FILIP1L: variants seen among roughly 807,000 people sequenced by gnomAD.
FILIP1L encodes filamin A interacting protein 1 like, also known as filamin A-interacting protein 1-like.
FILIP1L carries 55 observed loss-of-function variants against 96.6 expected under a neutral mutation model. The ratio of observed to expected loss-of-function variants is 0.57; its 90% CI spans 0.46 to 0.71. FILIP1L has a LOEUF of 0.71. Ranked by LOEUF, FILIP1L falls within the 30% of genes least tolerant of loss-of-function variation. The pLI, the probability that FILIP1L is intolerant of heterozygous loss-of-function variation, is 0.00. For missense variants in FILIP1L, 1,304 were observed against 1,321.2 expected, an observed-to-expected ratio of 0.99 and a Z score of 0.20; for synonymous variants, 467 against 473.9, an observed-to-expected ratio of 0.99 and a Z score of 0.19.
intron 1 of FILIP1L, among the ~76,000 whole-genome samples, chr3:99,941,736 A>G (rs116583534): frequency 0.011 from 1,712 of 152,356 alleles, 18 homozygotes; most frequent in African/African-American, 0.025. Flanking sequence ...GGAGTATTTA[A>G]TAATGTAGGA....
chr3:99,890,689 A>G (rs1310590719), intron 4 of FILIP1L, among the ~76,000 whole-genome samples: 2 of 149,366 alleles, frequency 1.3e-5, no homozygotes, highest in Non-Finnish European at 1.5e-5. Flanking sequence ...ACCATTTTCT[A>G]TAGTCTTTTA....
At chr3:99,885,151 T>C (rs1172386783) in intron 4 of FILIP1L, among the ~76,000 whole-genome samples, 1 of 152,230 alleles carries the variant, frequency 6.6e-6, no homozygotes, top group African/African-American at 2.4e-5. Flanking sequence ...TCAATTCTAA[T>C]GGAAACTGTT....
intron 4 of FILIP1L, 91 bp from the exon 5 acceptor site, chr3:99,851,161 T>A: frequency 9.6e-7 from 1 of 1,041,568 alleles, no homozygotes; most frequent in Non-Finnish European, 1.4e-6. Context: ...AGAAATTATG[T>A]AATTATATGA....
intron 1 of FILIP1L, among the ~76,000 whole-genome samples, chr3:100,034,248 G>T (rs576714156): frequency 4.0e-4 from 61 of 152,258 alleles, no homozygotes; most frequent in African/African-American, 1.2e-3. Context: ...CTCAGAATGG[G>T]GGGAAAAAGC....
chr3:99,971,166 T>C (rs931819098), intron 1 of FILIP1L, among the ~76,000 whole-genome samples: 5 of 151,970 alleles, frequency 3.3e-5, no homozygotes, highest in Non-Finnish European at 7.4e-5. Context: ...TGAAACCCCG[T>C]CTCTACTAAA....
At chr3:99,973,681 T>G (rs1042908964) in intron 1 of FILIP1L, among the ~76,000 whole-genome samples, 1 of 152,202 alleles carries the variant, frequency 6.6e-6, no homozygotes, top group African/African-American at 2.4e-5. Context: ...ATAAACACAC[T>G]TCAAACTTGA....
intron 5 of FILIP1L, chr3:99,833,269 G>T: frequency 6.2e-7 from 1 of 1,608,758 alleles, no homozygotes; most frequent in Non-Finnish European, 8.5e-7. Context: ...CACCTAGGGA[G>T]CAGTAGAAAG....
chr3:100,077,831 C>T (rs2065873620), intron 1 of FILIP1L, among the ~76,000 whole-genome samples: 1 of 151,892 alleles, frequency 6.6e-6, no homozygotes, highest in South Asian at 2.1e-4. Flanking sequence ...TCACTTGAGC[C>T]CAGGAGGTAG....
intron 3 of FILIP1L, 54 bp downstream of exon 3, chr3:99,929,802 G>T: frequency 3.7e-6 from 5 of 1,345,636 alleles, no homozygotes; most frequent in Non-Finnish European, 5.1e-6. Context: ...ATGCTCATCT[G>T]CAGGGCTAGT....
intron 4 of FILIP1L, among the ~76,000 whole-genome samples, chr3:99,880,899 T>C (rs1292045164): frequency 2.6e-5 from 4 of 152,070 alleles, no homozygotes; most frequent in Non-Finnish European, 5.9e-5. Flanking sequence ...TGTGTATGTA[T>C]ATTATGTTTC....
intron 1 of FILIP1L, among the ~76,000 whole-genome samples, chr3:99,953,018 T>A (rs1708222517): frequency 6.6e-6 from 1 of 152,204 alleles, no homozygotes; most frequent in Non-Finnish European, 1.5e-5. Context: ...GATTTTCTCA[T>A]GACTGTTCCT....
At chr3:100,010,505 A>G (rs750242292) in intron 1 of FILIP1L, among the ~76,000 whole-genome samples, 4 of 152,112 alleles carry the variant, frequency 2.6e-5, no homozygotes, top group Admixed American at 6.6e-5. Context: ...AGAGAATCCA[A>G]CTAAGAGCAG....
chr3:99,950,782 G>A (rs911341142), intron 1 of FILIP1L, among the ~76,000 whole-genome samples: 1 of 152,144 alleles, frequency 6.6e-6, no homozygotes, highest in Non-Finnish European at 1.5e-5. Flanking sequence ...ATTGAATATG[G>A]TGCTGGAGAC....
intron 1 of FILIP1L, among the ~76,000 whole-genome samples, chr3:99,938,314 T>C (rs1707754893): frequency 1.3e-5 from 2 of 152,204 alleles, no homozygotes; most frequent in Non-Finnish European, 2.9e-5. Flanking sequence ...CATCATTAGT[T>C]CTGTTTTTAA....
At chr3:100,011,538 A>G (rs1025635734) in intron 1 of FILIP1L, among the ~76,000 whole-genome samples, 1 of 152,142 alleles carries the variant, frequency 6.6e-6, no homozygotes, top group African/African-American at 2.4e-5. Flanking sequence ...ATACCTGACA[A>G]TTTATATCTA....
chr3:100,096,569 G>A (rs2066212699), intron 1 of FILIP1L, among the ~76,000 whole-genome samples: 1 of 151,858 alleles, frequency 6.6e-6, no homozygotes, highest in Admixed American at 6.6e-5. Context: ...CAAAATAATT[G>A]AACACATGTT....
At chr3:99,967,927 G>A (rs1039466687) in intron 1 of FILIP1L, among the ~76,000 whole-genome samples, 3 of 152,146 alleles carry the variant, frequency 2.0e-5, no homozygotes, top group Non-Finnish European at 4.4e-5. Context: ...TAAGTGCAAC[G>A]GTATGTGGGA....
At chr3:100,020,301 A>G (rs1471896704) in intron 1 of FILIP1L, among the ~76,000 whole-genome samples, 1 of 152,196 alleles carries the variant, frequency 6.6e-6, no homozygotes, top group Non-Finnish European at 1.5e-5. Context: ...GTATTCTCGC[A>G]TTTAGGACTT....
At position 99,986,656 on chromosome 3, in the gene FILIP1L, G is replaced by A. The variant is rs1173822999; in HGVS notation, c.-10-55626C>T. On this transcript the variant is annotated intron_variant, in intron 1 of 5. Transcript: ENST00000477258. ...GAAATTGATGAAGATTAAATGAAGT[G>A]GTGATGGGTGTGGGCCTAAGAACTC... Among the ~76,000 whole-genome samples the A allele has an allele frequency of 2.6e-5, 4 of 152,156 alleles. No homozygotes were observed. In the East Asian group the frequency reaches 7.7e-4, roughly 29 times the overall value.
Sources: allele counts gnomAD v4.1 joint callset (sites outside exome capture counted in the v4.1 genomes callset), GRCh38; gene constraint gnomAD v4.1.1; transcripts MANE v1.5; gene names NCBI Gene and HGNC (gene_info 2026-07-23, HGNC 2026-07-21).